The following NTM variants were observed in gnomAD, a reference collection of about 807,000 sequenced individuals.
NTM encodes neurotrimin.
Under a neutral mutation model 42.1 loss-of-function variants are expected in NTM, and 13 were observed. The observed-to-expected ratio is 0.31, with a 90% CI of 0.20 to 0.49. The LOEUF (loss-of-function observed/expected upper bound fraction) is 0.49, where lower values mean the gene tolerates loss of function less well. NTM is among the 20% of genes least tolerant of loss of function. NTM has a pLI of 0.99. For missense variants in NTM, 373 were observed against 452.8 expected (o/e 0.82, Z 1.60); for synonymous variants, 187 against 179.2 (o/e 1.04, Z -0.35).
At chr11:131,897,968 A>T (rs557780182) in intron 1 of NTM, among the ~76,000 whole-genome samples, 1 of 152,344 alleles carries the variant, frequency 6.6e-6, no homozygotes, top group Non-Finnish European at 1.5e-5. Flanking sequence ...CTTGGAAAAT[A>T]ATTTATAAGA....
chr11:132,066,715 A>G (rs921279822), intron 2 of NTM, among the ~76,000 whole-genome samples: 2 of 152,142 alleles, frequency 1.3e-5, no homozygotes, highest in Admixed American at 6.5e-5. Context: ...TCTCTGATGC[A>G]TATTCACATT....
intron 1 of NTM, among the ~76,000 whole-genome samples, chr11:131,394,548 C>T (rs1329198951): frequency 6.6e-6 from 1 of 152,202 alleles, no homozygotes; most frequent in South Asian, 2.1e-4. Context: ...GCCTTCACCT[C>T]TCTGGATTCT....
chr11:132,014,951 C>T (rs2518014), intron 2 of NTM, among the ~76,000 whole-genome samples: 67,134 of 151,556 alleles, frequency 0.44, 15,744 homozygotes, highest in East Asian at 0.82. Context: ...AGATCTTAGC[C>T]ATATAATTCT....
chr11:132,196,778 G>T (rs1346007881), intron 3 of NTM, among the ~76,000 whole-genome samples: 1 of 152,192 alleles, frequency 6.6e-6, no homozygotes, highest in African/African-American at 2.4e-5. Context: ...ACTTGAGAGG[G>T]GGAGGATGGG....
At chr11:131,483,040 T>C (rs1953779662) in intron 1 of NTM, among the ~76,000 whole-genome samples, 1 of 152,206 alleles carries the variant, frequency 6.6e-6, no homozygotes, top group Non-Finnish European at 1.5e-5. Context: ...AGGTAAACAC[T>C]GGTATTAGTT....
chr11:132,131,937 A>C (rs373027454), intron 2 of NTM, among the ~76,000 whole-genome samples: 3 of 152,238 alleles, frequency 2.0e-5, no homozygotes, highest in East Asian at 3.9e-4. Context: ...GCATGCAGGG[A>C]AATAACTAGC....
At chr11:131,670,918 G>C (rs77019611) in intron 1 of NTM, among the ~76,000 whole-genome samples, 2 of 152,100 alleles carry the variant, frequency 1.3e-5, no homozygotes, top group Non-Finnish European at 2.9e-5. Context: ...TAAAGGCCTG[G>C]GGCCCAGGAG....
chr11:131,674,467 C>T (rs2071002495), intron 1 of NTM, among the ~76,000 whole-genome samples: 1 of 152,242 alleles, frequency 6.6e-6, no homozygotes, highest in Non-Finnish European at 1.5e-5. Context: ...CTGGATGGTG[C>T]TTCTGCTTCC....
chr11:131,730,721 A>AAAAAAAAAAAAAAAAAAAAAAAAAAG lies in NTM; in HGVS notation c.83-180841_83-180840insAAAAAAAAAAAAAAAAAAAAAAAGAA, dbSNP rs113412896. Reference sequence around the variant, plus strand: ...GTGCCACAGTAGACCCTATCTGTTAAAAGAAGAAGAAGAGAAGAAGACGAA... The same window carrying AAAAAAAAAAAAAAAAAAAAAAAAAAG: ...GTGCCACAGTAGACCCTATCTGTTAAAAAAAAAAAAAAAAAAAAAAAAAAAGAAGAAGAAGAAGAGAAGAAGACGAA... On this transcript the variant is annotated intron_variant, in intron 1 of 8. Coordinates refer to ENST00000683400, the MANE Select transcript of NTM (RefSeq NM_001352005.2). 1.3e-4 allele frequency among the ~76,000 whole-genome samples: 17 copies of AAAAAAAAAAAAAAAAAAAAAAAAAAG among 134,362 alleles called. 2 individuals are homozygous for AAAAAAAAAAAAAAAAAAAAAAAAAAG. Among genetic ancestry groups the AAAAAAAAAAAAAAAAAAAAAAAAAAG allele is most frequent in the Admixed American group, 3.6e-4 (5 of 13,746 alleles). The allele number at this position is 134,362 out of a possible 152,430, so 88.1% of individuals were successfully genotyped here. A position where few individuals can be genotyped will look rare whatever the true frequency, so the allele number is the denominator to read the frequency against.
chr11:131,562,227 G>T (rs574917590), intron 1 of NTM, among the ~76,000 whole-genome samples: 51 of 152,206 alleles, frequency 3.4e-4, no homozygotes, highest in Non-Finnish European at 6.0e-4. Flanking sequence ...TTTCTCATCC[G>T]CAGTGGGGGA....
chr11:132,276,421 G>T (rs999574764), intron 4 of NTM, among the ~76,000 whole-genome samples: 3 of 152,090 alleles, frequency 2.0e-5, no homozygotes, highest in Admixed American at 1.3e-4. Context: ...ATTTATAGAG[G>T]ATTGCTTGCA....
At chr11:131,630,173 T>C (rs2063515044) in intron 1 of NTM, among the ~76,000 whole-genome samples, 1 of 152,146 alleles carries the variant, frequency 6.6e-6, no homozygotes, top group South Asian at 2.1e-4. Flanking sequence ...CCATGGTCTA[T>C]TGAAAATCAA....
intron 3 of NTM, among the ~76,000 whole-genome samples, chr11:132,208,830 T>C (rs1026229142): frequency 6.6e-6 from 1 of 152,212 alleles, no homozygotes; most frequent in Non-Finnish European, 1.5e-5. Context: ...TTTTATTGCA[T>C]GGCATTGGCG....
chr11:131,411,835 T>C (rs1244236123), intron 1 of NTM, among the ~76,000 whole-genome samples: 2 of 152,126 alleles, frequency 1.3e-5, no homozygotes, highest in Non-Finnish European at 2.9e-5. Context: ...TTCCCAATTA[T>C]GTGTTTGGAA....
chr11:131,838,427 T>C (rs1338823530), intron 1 of NTM, among the ~76,000 whole-genome samples: 2 of 152,172 alleles, frequency 1.3e-5, no homozygotes. Context: ...GGTTGGAAAA[T>C]AGTGGATTCA....
chr11:131,912,126 G>A (rs1048657764), intron 2 of NTM, among the ~76,000 whole-genome samples: 3 of 152,188 alleles, frequency 2.0e-5, no homozygotes, highest in African/African-American at 4.8e-5. Context: ...TGGGAGAGCC[G>A]CTGCTTTGTC....
At chr11:132,314,217 T>C (rs2095362987) in intron 6 of NTM, among the ~76,000 whole-genome samples, 1 of 152,054 alleles carries the variant, frequency 6.6e-6, no homozygotes, top group African/African-American at 2.4e-5. Flanking sequence ...AACCACCTAC[T>C]GTGTGAATCG....
chr11:132,081,501 G>C (rs1178289009), intron 2 of NTM, among the ~76,000 whole-genome samples: 3 of 152,144 alleles, frequency 2.0e-5, no homozygotes, highest in Non-Finnish European at 4.4e-5. Flanking sequence ...GGGAGGCTGA[G>C]GTGGGTGGAT....
chr11:132,205,708 A>G (rs1342463283), intron 3 of NTM, among the ~76,000 whole-genome samples: 1 of 152,078 alleles, frequency 6.6e-6, no homozygotes, highest in African/African-American at 2.4e-5. Context: ...GGACTCTTCC[A>G]CTCATAGCAG....
Sources: allele counts gnomAD v4.1 joint callset (sites outside exome capture counted in the v4.1 genomes callset), GRCh38; gene constraint gnomAD v4.1.1; transcripts MANE v1.5; gene names NCBI Gene and HGNC (gene_info 2026-07-23, HGNC 2026-07-21).